MINDY3: variants seen among roughly 807,000 people sequenced by gnomAD.
MINDY3 encodes MINDY lysine 48 deubiquitinase 3.
Under a neutral mutation model 69.2 loss-of-function variants are expected in MINDY3, and 38 were observed. The observed-to-expected ratio is 0.55, with a 90% confidence interval of 0.42 to 0.72. The LOEUF (loss-of-function observed/expected upper bound fraction) is 0.72, where lower values mean the gene tolerates loss of function less well. MINDY3 is among the 30% of genes least tolerant of loss of function. MINDY3 has a pLI of 0.00. For missense variants in MINDY3, 522 were observed against 519.0 expected (o/e 1.01, Z -0.06); for synonymous variants, 192 against 180.1 (o/e 1.07, Z -0.53).
At chr10:15,815,914 T>C (rs1839324463) in intron 10 of MINDY3, among the ~76,000 whole-genome samples, 1 of 152,184 alleles carries the variant, frequency 6.6e-6, no homozygotes, top group Non-Finnish European at 1.5e-5. Flanking sequence ...AAAAACATGA[T>C]ATACAGATTA....
At chr10:15,828,487 G>A (rs957230875) in intron 8 of MINDY3, among the ~76,000 whole-genome samples, 2 of 151,734 alleles carry the variant, frequency 1.3e-5, no homozygotes, top group African/African-American at 2.4e-5. Flanking sequence ...TGTGGTGATG[G>A]CTAAACAACT....
chr10:15,855,324 A>G (rs1389106379), intron 1 of MINDY3, among the ~76,000 whole-genome samples: 1 of 152,130 alleles, frequency 6.6e-6, no homozygotes, highest in East Asian at 1.9e-4. Context: ...GACTATGCTG[A>G]GTAGACTTCT....
intron 3 of MINDY3, among the ~76,000 whole-genome samples, chr10:15,842,048 A>G (rs1027435818): frequency 6.6e-6 from 1 of 151,768 alleles, no homozygotes; most frequent in Non-Finnish European, 1.5e-5. Context: ...GGATAAGAAT[A>G]ATGAGATGAG....
intron 10 of MINDY3, among the ~76,000 whole-genome samples, chr10:15,802,025 T>C (rs567421421): frequency 4.6e-5 from 7 of 150,802 alleles, no homozygotes; most frequent in African/African-American, 1.5e-4. Context: ...AATTTTAACA[T>C]ATTCTTTTCT....
chr10:15,805,396 G>C (rs953758469), intron 10 of MINDY3, among the ~76,000 whole-genome samples: 1 of 152,156 alleles, frequency 6.6e-6, no homozygotes, highest in Admixed American at 6.6e-5. Flanking sequence ...CTGGTGAACA[G>C]AGAATAGTTA....
At chr10:15,790,874 T>C (rs980389838) in intron 11 of MINDY3, among the ~76,000 whole-genome samples, 1 of 152,144 alleles carries the variant, frequency 6.6e-6, no homozygotes, top group South Asian at 2.1e-4. Flanking sequence ...TCAGGAGCAC[T>C]GACAGCATGT....
At chr10:15,824,085 T>G (rs1179127163) in intron 8 of MINDY3, among the ~76,000 whole-genome samples, 1 of 152,226 alleles carries the variant, frequency 6.6e-6, no homozygotes, top group Non-Finnish European at 1.5e-5. Flanking sequence ...GGTGCTGCAA[T>G]TAGCATGCAC....
intron 2 of MINDY3, among the ~76,000 whole-genome samples, chr10:15,845,085 C>T (rs1051284449): frequency 1.4e-5 from 2 of 145,762 alleles, no homozygotes; most frequent in Non-Finnish European, 3.1e-5. Context: ...GTCTCTGTTT[C>T]TCTTAGAGTG....
At chr10:15,786,321 C>T (rs748857135) in intron 13 of MINDY3, among the ~76,000 whole-genome samples, 3 of 152,066 alleles carry the variant, frequency 2.0e-5, no homozygotes, top group African/African-American at 7.2e-5. Flanking sequence ...CTGTTCTCTC[C>T]GTATCATTAT....
chr10:15,831,707 G>T (rs909666639), intron 8 of MINDY3, among the ~76,000 whole-genome samples: 1 of 134,164 alleles, frequency 7.5e-6, no homozygotes, highest in Admixed American at 8.5e-5. Flanking sequence ...ATGGAGTCTC[G>T]CTCTATTGCT....
intron 5 of MINDY3, 108 bp from the exon 6 acceptor site, chr10:15,837,426 A>C (rs1043070728): frequency 8.0e-7 from 1 of 1,246,122 alleles, no homozygotes. Flanking sequence ...ACATACAAAC[A>C]GGAAAGTTTT....
chr10:15,789,346 T>G, intron 11 of MINDY3, 27 bp from the exon 12 acceptor site: 1 of 1,559,888 alleles, frequency 6.4e-7, no homozygotes, highest in Middle Eastern at 1.7e-4. Context: ...CAGAAACAAC[T>G]TGAAATAAGA....
Position 15,782,226 on chromosome 10 carries a change from C to T in MINDY3, c.1117G>A (p.Gly373Ser), listed in dbSNP as rs1434791349. 1 of 1,595,042 alleles carries T rather than the reference C, an allele frequency of 6.3e-7. No homozygotes were observed. Among genetic ancestry groups the T allele is most frequent in the Non-Finnish European group, 8.6e-7 (1 of 1,166,318 alleles). The change falls in exon 14 of 15, where the codon GGC (glycine) becomes AGC (serine). Residue 373 changes from glycine (G) to serine (S), a missense_variant and splice_region_variant. Transcript: ENST00000277632. ...PFLQEFFPDQ[G>S]SSGPESFTVY... ...GTAAAAGATTCTGGACCACTGGAGC[C>T]CTATTATAAATAAAGGACTATTAAC... is the stretch of plus-strand genomic sequence containing the variant.
chr10:15,850,987 G>A (rs545370497), intron 1 of MINDY3, among the ~76,000 whole-genome samples: 2 of 152,196 alleles, frequency 1.3e-5, no homozygotes, highest in South Asian at 2.1e-4. Flanking sequence ...TGGTTCCCCC[G>A]ATAAGTGAAC....
intron 6 of MINDY3, among the ~76,000 whole-genome samples, chr10:15,834,855 C>T (rs900463183): frequency 1.3e-5 from 2 of 151,838 alleles, no homozygotes; most frequent in Non-Finnish European, 2.9e-5. Context: ...GAAATATGTA[C>T]CGTTGGTTAA....
intron 10 of MINDY3, among the ~76,000 whole-genome samples, chr10:15,803,755 T>G (rs1180158131): frequency 3.9e-5 from 6 of 152,132 alleles, no homozygotes; most frequent in African/African-American, 1.4e-4. Context: ...TCCAAGAATC[T>G]TATTAAATTT....
At chr10:15,809,497 C>A (rs1417061525) in intron 10 of MINDY3, among the ~76,000 whole-genome samples, 1 of 152,156 alleles carries the variant, frequency 6.6e-6, no homozygotes, top group African/African-American at 2.4e-5. Flanking sequence ...GCCTACAGGG[C>A]ACATTCTGTC....
chr10:15,827,175 G>GGA (rs1564502039), intron 8 of MINDY3, among the ~76,000 whole-genome samples: 1 of 23,672 alleles, frequency 4.2e-5, no homozygotes, highest in Non-Finnish European at 6.7e-5. Context: ...TATAACAGGA[G>GGA]TAAAAAAAAA....
At chr10:15,801,033 T>TA (rs1490378266) in intron 10 of MINDY3, among the ~76,000 whole-genome samples, 3 of 152,188 alleles carry the variant, frequency 2.0e-5, no homozygotes, top group African/African-American at 7.2e-5. Flanking sequence ...GGTTTGGCTT[T>TA]AAAAATATCA....
Sources: allele counts gnomAD v4.1 joint callset (sites outside exome capture counted in the v4.1 genomes callset), GRCh38; gene constraint gnomAD v4.1.1; transcripts MANE v1.5; gene names NCBI Gene and HGNC (gene_info 2026-07-23, HGNC 2026-07-21).